The following LHX3 variants were observed in gnomAD, a reference collection of about 807,000 sequenced individuals.
The protein encoded by LHX3 is LIM/homeobox protein Lhx3.
LHX3 carries 21 observed loss-of-function variants against 32.4 expected under a neutral mutation model. The ratio of observed to expected loss-of-function variants is 0.65; its 90% CI spans 0.46 to 0.93. The LOEUF is 0.93. Ranked by LOEUF, LHX3 falls within the 40% of genes least tolerant of loss-of-function variation. The pLI is 0.00. For synonymous variants in LHX3, 258 were observed against 246.8 expected (o/e 1.05, Z -0.43); for missense variants, 626 against 560.0 (o/e 1.12, Z -1.19).
intron 1 of LHX3, chr9:136,201,206 G>A (rs553721254): frequency 5.3e-6 from 7 of 1,325,190 alleles, no homozygotes; most frequent in African/African-American, 1.5e-5. Context: ...CATGTTAAGC[G>A]TCATGGCCAC....
chr9:136,200,673 T>C lies in LHX3; in HGVS notation c.160A>G (p.Lys54Glu). 6.2e-7 allele frequency: 1 copy of C among 1,613,642 alleles called. No individual in the cohort carries two copies. The highest frequency in any genetic ancestry group is 8.5e-7 in the Non-Finnish European group (1 of 1,180,010). The change falls in exon 2 of 6, where the codon AAG becomes GAG. Residue 54 changes from lysine to glutamate, a missense_variant. Physicochemically the swap from Lys to Glu is moderately conservative, Grantham distance 56. Transcript: ENST00000371748. ...LKALDRHWHSKCLKCSDCHTP... is the reference protein window; with the variant it reads ...LKALDRHWHSECLKCSDCHTP... Reference sequence around the variant, plus strand: ...TGGCAGTCGCTGCACTTGAGACACTTGCTGTGCCAGTGGCGGTCCAGAGCC... The same window carrying C: ...TGGCAGTCGCTGCACTTGAGACACTCGCTGTGCCAGTGGCGGTCCAGAGCC...
In LHX3 at chr9:136,198,968, C is replaced by T. The variant is rs766286947; in HGVS notation, c.546G>A (p.Pro182=). 2.5e-6 allele frequency: 4 copies of T among 1,589,952 alleles called. No individual in the cohort carries two copies. The East Asian group carries it at 9.2e-5, about 37-fold the overall frequency. ...AGAGCTGCTCGCGCACGTGGCGCGC[C>T]GGCTTGGGCGAGGTGTTGTAAGCGC... is the stretch of plus-strand genomic sequence containing the variant. ...LKSAYNTSPK[P]ARHVREQLSS... The change falls in exon 4 of 6, where the codon CCG becomes CCA. Residue 182 remains proline, a synonymous_variant. Transcript: ENST00000371748.
Position 136,197,460 on chromosome 9 carries a change from G to T in LHX3, c.1059C>A (p.Gly353=). 6.3e-7 allele frequency: 1 copy of T among 1,579,424 alleles called. No homozygotes were observed. The highest frequency in any genetic ancestry group is 2.3e-5 in the East Asian group (1 of 42,716). The part of the protein sequence containing the change: ...SLGLVPSGAP[G]GPPPMRVLAG... Reference sequence around the variant, plus strand: ...CCAGCACCCTCATGGGTGGGGGCCCGCCGGGGGCTCCCGAGGGCACAAGGC... The same window carrying T: ...CCAGCACCCTCATGGGTGGGGGCCCTCCGGGGGCTCCCGAGGGCACAAGGC... Residue 353 remains glycine (G), a synonymous_variant, in exon 6 of 6, where the codon GGC becomes GGA. Coordinates refer to ENST00000371748, the MANE Select transcript of LHX3 (RefSeq NM_178138.6).
intron 1 of LHX3, chr9:136,203,156 G>A: frequency 7.6e-7 from 1 of 1,316,052 alleles, no homozygotes; most frequent in Non-Finnish European, 9.7e-7. Context: ...GCTGGGCGCT[G>A]CGCCCGCGGG....
chr9:136,199,993 T>C (rs954639467), intron 2 of LHX3, 113 bp from the exon 3 acceptor site: 1 of 1,138,206 alleles, frequency 8.8e-7, no homozygotes, highest in East Asian at 2.6e-5. Context: ...AGGAAGGCTC[T>C]GTCCGGCCCT....
rs759660144 is a variant in LHX3, at chr9:136,198,771, G to A, written c.656C>T (p.Ala219Val). ...ATACTGCCCCCAGCGCTGCCGGCCG[G>A]CGTCCTTCTTCAGCCTCTTCTCCTT... ...RAKEKRLKKD[A>V]GRQRWGQYFR... The change falls in exon 5 of 6, where the codon GCC becomes GTC. Residue 219 changes from alanine (A) to valine (V), a missense_variant. Transcript: ENST00000371748. 8.1e-6 allele frequency: 13 copies of A among 1,610,998 alleles called. No homozygotes were observed. Among genetic ancestry groups the A allele is most frequent in the Non-Finnish European group, 1.1e-5 (13 of 1,179,778 alleles).
intron 1 of LHX3, 132 bp from the exon 2 acceptor site, chr9:136,200,885 A>G: frequency 3.7e-6 from 4 of 1,080,132 alleles, no homozygotes; most frequent in Non-Finnish European, 5.5e-6. Flanking sequence ...TCCTTTCCCT[A>G]CACACCCTCT....
chr9:136,202,045 C>A (rs961302009), intron 1 of LHX3, among the ~76,000 whole-genome samples: 2 of 152,054 alleles, frequency 1.3e-5, no homozygotes, highest in Admixed American at 1.3e-4. Context: ...CCAGCCCTGG[C>A]GGGGGCTCCT....
rs1831613771 is a variant in LHX3, at chr9:136,200,525, G to T, written c.251+57C>A. ...GGCCTTGGTGATTGTGAGGGGAGGA[G>T]TCCCTGGGGCAGGCGTGCCCTCCGC... On this transcript the variant is annotated intron_variant, in intron 2 of 5. Transcript: ENST00000371748. 4.5e-6 allele frequency: 7 copies of T among 1,562,898 alleles called. No homozygotes were observed. In the South Asian group the frequency reaches 8.0e-5, roughly 18 times the overall value.
At chr9:136,201,110 G>A (rs1831630342) in intron 1 of LHX3, 1 of 1,404,372 alleles carries the variant, frequency 7.1e-7, no homozygotes, top group Non-Finnish European at 9.2e-7. Flanking sequence ...ACCCCAGGGG[G>A]ATCTGCTCTC....
rs773386459 is a variant in LHX3 at position 136,198,766 on chromosome 9, G to C, written c.661C>G (p.Arg221Gly). 8 of 1,611,096 alleles carry C rather than the reference G, an allele frequency of 5.0e-6. No homozygotes were observed. Among genetic ancestry groups the C allele is most frequent in the Non-Finnish European group, 5.9e-6 (7 of 1,179,790 alleles). ...KEKRLKKDAGRQRWGQYFRNM... is the reference protein window; with the variant it reads ...KEKRLKKDAGGQRWGQYFRNM... ...CGGAAATACTGCCCCCAGCGCTGCC[G>C]GCCGGCGTCCTTCTTCAGCCTCTTC... Residue 221 changes from arginine to glycine, a missense_variant, in exon 5 of 6, where the codon CGG becomes GGG. By Grantham distance (125) the Arg-to-Gly change is moderately radical. Coordinates refer to ENST00000371748, the MANE Select transcript of LHX3 (RefSeq NM_178138.6).
chr9:136,198,610 G>C (rs1183242524), intron 5 of LHX3, 42 bp downstream of exon 5: 1 of 1,534,534 alleles, frequency 6.5e-7, no homozygotes, highest in Non-Finnish European at 8.7e-7. Context: ...CCCCGCCGAC[G>C]CGCGCTCGTC....
In LHX3 at chr9:136,197,408, A is replaced by G; in HGVS notation, c.1111T>C (p.Ser371Pro). 4 of 1,608,984 alleles carry G rather than the reference A, an allele frequency of 2.5e-6. No homozygotes were observed. Among genetic ancestry groups the G allele is most frequent in the Non-Finnish European group, 3.4e-6 (4 of 1,178,586 alleles). The change falls in exon 6 of 6, where the codon TCC becomes CCC. Residue 371 changes from serine to proline, a missense_variant. Ser to Pro is a moderately conservative substitution (Grantham distance 74). Coordinates refer to ENST00000371748, the MANE Select transcript of LHX3 (RefSeq NM_178138.6). ...GGGTAACCCCCGCTGCTCCCCGTGG[A>G]TAGGTCAGAACTGGGTCCGTTCCCT... is the stretch of plus-strand genomic sequence containing the variant. The part of the protein sequence containing the change: ...LAGNGPSSDL[S>P]TGSSGGYPDF...
rs986901104 is a variant in LHX3 at position 136,197,432 on chromosome 9, C to T, written c.1087G>A (p.Gly363Arg). ...GGPPPMRVLAGNGPSSDLSTG... is the reference protein window; with the variant it reads ...GGPPPMRVLARNGPSSDLSTG... ...GATAGGTCAGAACTGGGTCCGTTCC[C>T]TGCCAGCACCCTCATGGGTGGGGGC... The change falls in exon 6 of 6, where the codon GGG becomes AGG. Residue 363 changes from glycine (G) to arginine (R), a missense_variant. Coordinates refer to ENST00000371748, the MANE Select transcript of LHX3 (RefSeq NM_178138.6). The T allele has an allele frequency of 6.9e-6, 11 of 1,596,602 alleles. No individual in the cohort carries two copies. In the African/African-American group the frequency reaches 1.5e-4, roughly 21 times the overall value.
Position 136,197,225 on chromosome 9 carries a change from T to G in LHX3, c.*100A>C. On this transcript the variant is annotated 3_prime_UTR_variant, in exon 6 of 6. Coordinates refer to ENST00000371748, the MANE Select transcript of LHX3 (RefSeq NM_178138.6). ...GGCTCCGAAGGCACCAGCCCTCCCT[T>G]GACGCCCTGGCCCCACTTCCTCGGA... 1.5e-6 allele frequency: 2 copies of G among 1,320,012 alleles called. No individual in the cohort carries two copies. Among genetic ancestry groups the G allele is most frequent in the Non-Finnish European group, 1.1e-6 (1 of 935,060 alleles). 81.8% of individuals were successfully genotyped at this position (1,320,012 alleles called of 1,614,324 possible). A position where few individuals can be genotyped will look rare whatever the true frequency, so the allele number is the denominator to read the frequency against.
chr9:136,204,326 GAC>G (rs2131041339), intron 1 of LHX3, among the ~76,000 whole-genome samples: 1 of 152,362 alleles, frequency 6.6e-6, no homozygotes, highest in East Asian at 1.9e-4. Context: ...CCAGGGCAAG[GAC>G]ACGCGGGTGC....
At chr9:136,201,173 G>A (rs555803256) in intron 1 of LHX3, 2 of 1,364,286 alleles carry the variant, frequency 1.5e-6, no homozygotes, top group East Asian at 5.3e-5. Context: ...ACCTGGAGCT[G>A]GGGCACCCCA....
Position 136,200,784 on chromosome 9 carries a change from C to T in LHX3, c.80-31G>A, listed in dbSNP as rs199922213. On this transcript the variant is annotated intron_variant, in intron 1 of 5. Transcript: ENST00000371748. Reference sequence around the variant, plus strand: ...GGCACGAGGAAGTTCTGGGTCACCTCGTAGACCAGGAGGCAGTGAAGCCAC... The same window carrying T: ...GGCACGAGGAAGTTCTGGGTCACCTTGTAGACCAGGAGGCAGTGAAGCCAC... The T allele has an allele frequency of 2.9e-4, 465 of 1,612,296 alleles. 1 individual carries two copies. In the African/African-American group the frequency reaches 5.4e-3, roughly 19 times the overall value.
chr9:136,198,826 GGCGGGGCGGGGTGAGCGGCC>G lies in LHX3; in HGVS notation c.607-26_607-7del. The G allele has an allele frequency of 6.2e-7, 1 of 1,603,934 alleles. No individual in the cohort carries two copies. ...CGGCGGTTCTGGAACCAAACCTGGG[GGCGGGGCGGGGTGAGCGGCC>G]GCCCGGCTCTGCGGGGGCCCCCAAG... is the stretch of plus-strand genomic sequence containing the variant. On this transcript the variant is annotated splice_polypyrimidine_tract_variant and splice_region_variant and intron_variant, in intron 4 of 5. Transcript: ENST00000371748.
Sources: gnomAD v4.1 joint callset for allele counts (sites outside exome capture counted in the v4.1 genomes callset) on GRCh38, gnomAD v4.1.1 for gene constraint, MANE v1.5 for transcripts, NCBI Gene and HGNC (gene_info 2026-07-23, HGNC 2026-07-21) for gene names.